EXD3: variants seen among roughly 807,000 people sequenced by gnomAD.
EXD3 encodes exonuclease mut-7 homolog.
In EXD3, 92 loss-of-function variants were observed where a neutral mutation model predicts 98.0. The ratio of observed to expected loss-of-function variants is 0.94; its 90% CI spans 0.79 to 1.12. EXD3 has a LOEUF of 1.12. EXD3 is among the 50% of genes most tolerant of loss of function. The pLI, the probability that EXD3 is intolerant of heterozygous loss-of-function variation, is 0.00. For missense variants in EXD3, 1,222 were observed against 1,191.6 expected (o/e 1.03, Z -0.38); for synonymous variants, 569 against 526.0 (o/e 1.08, Z -1.12).
intron 1 of EXD3, among the ~76,000 whole-genome samples, chr9:137,400,158 A>G (rs945649441): frequency 6.6e-6 from 1 of 152,144 alleles, no homozygotes; most frequent in African/African-American, 2.4e-5. Context: ...CCATGATGTA[A>G]TTACTCCCCC....
At chr9:137,336,703 GAAAT>G (rs1208177811) in intron 17 of EXD3, among the ~76,000 whole-genome samples, 1 of 128,228 alleles carries the variant, frequency 7.8e-6, no homozygotes, top group Non-Finnish European at 1.7e-5. Context: ...ACAAAGAAAA[GAAAT>G]AAATCCATGG....
At chr9:137,348,407 G>T (rs1244481439) in intron 16 of EXD3, among the ~76,000 whole-genome samples, 169 bp from the exon 17 acceptor site, 1 of 150,400 alleles carries the variant, frequency 6.6e-6, no homozygotes, top group South Asian at 2.1e-4. Flanking sequence ...ACAAAATGCA[G>T]TGAAACCACC....
chr9:137,315,138 G>A (rs1443892165), intron 19 of EXD3, among the ~76,000 whole-genome samples: 1 of 152,212 alleles, frequency 6.6e-6, no homozygotes, highest in Non-Finnish European at 1.5e-5. Context: ...CAGGGTGGGG[G>A]CTAGCGCCTG....
intron 8 of EXD3, 28 bp from the exon 9 acceptor site, chr9:137,354,801 A>T (rs11537108): frequency 1.6e-5 from 25 of 1,597,406 alleles, no homozygotes; most frequent in Non-Finnish European, 1.5e-5. Flanking sequence ...CTCAGCACTG[A>T]GGGCTCAGGG....
intron 19 of EXD3, among the ~76,000 whole-genome samples, chr9:137,314,585 T>G (rs1831538084): frequency 6.6e-6 from 1 of 152,062 alleles, no homozygotes; most frequent in South Asian, 2.1e-4. Context: ...TGGAGAGGCC[T>G]CGCCCCTGCC....
intron 1 of EXD3, among the ~76,000 whole-genome samples, chr9:137,409,221 G>A (rs1449633875): frequency 6.6e-6 from 1 of 152,186 alleles, no homozygotes; most frequent in African/African-American, 2.4e-5. Context: ...GAGCCCGCAT[G>A]CTGGGCCCTC....
intron 19 of EXD3, among the ~76,000 whole-genome samples, chr9:137,319,332 G>C (rs1006437998): frequency 1.3e-5 from 2 of 152,228 alleles, no homozygotes; most frequent in African/African-American, 4.8e-5. Context: ...GCGTGGTCCC[G>C]GGGCCCGGCC....
intron 1 of EXD3, among the ~76,000 whole-genome samples, chr9:137,409,295 T>C (rs1837882363): frequency 6.6e-6 from 1 of 152,328 alleles, no homozygotes; most frequent in South Asian, 2.1e-4. Context: ...TACCTCCTCA[T>C]TCAGAATCCC....
intron 3 of EXD3, among the ~76,000 whole-genome samples, chr9:137,379,514 G>A (rs1463811020): frequency 4.0e-5 from 6 of 150,946 alleles, no homozygotes; most frequent in Admixed American, 1.3e-4. Context: ...GCCTGGGGCC[G>A]AGGGGAATGG....
chr9:137,323,772 G>A lies in EXD3; in HGVS notation c.2137C>T (p.His713Tyr), dbSNP rs1179043199. 2.5e-6 allele frequency: 4 copies of A among 1,612,288 alleles called. No homozygotes were observed. Among genetic ancestry groups the A allele is most frequent in the Non-Finnish European group, 3.4e-6 (4 of 1,179,758 alleles). ...AQQQAKAVLK[H>Y]FNVRVTHADI... is the part of the protein sequence containing the mutation. ...GCGTGGGTGACACGCACGTTGAAAT[G>A]CTTGAGCACAGCCTTGGCCTGCTGC... is the stretch of plus-strand genomic sequence containing the variant. The change falls in exon 19 of 22, where the codon CAT becomes TAT. Residue 713 changes from histidine (H) to tyrosine (Y), a missense_variant. Transcript: ENST00000340951.
At chr9:137,384,623 T>G (rs539656830) in intron 2 of EXD3, among the ~76,000 whole-genome samples, 4 of 152,296 alleles carry the variant, frequency 2.6e-5, no homozygotes, top group Admixed American at 2.6e-4. Flanking sequence ...ACAATGTGAT[T>G]GATTACACAG....
At chr9:137,380,363 AT>A (rs1836177165) in intron 3 of EXD3, among the ~76,000 whole-genome samples, 1 of 39,950 alleles carries the variant, frequency 2.5e-5, no homozygotes, top group African/African-American at 1.2e-4. Context: ...CCGTCCGGGC[AT>A]CCCCCTCAAT....
rs892527175 is a variant in EXD3 at position 137,356,134 on chromosome 9, G to T, written c.757+134C>A. On this transcript the variant is annotated intron_variant, in intron 8 of 21. Transcript: ENST00000340951. ...TCTGGCACGAGCTGGGCAAGAGGCAGGGAGGGGCTCTCTGGGAAGGTTGGT... is the reference window on the plus strand; with the variant it reads ...TCTGGCACGAGCTGGGCAAGAGGCATGGAGGGGCTCTCTGGGAAGGTTGGT... 7 of 673,034 alleles carry T rather than the reference G, an allele frequency of 1.0e-5. No individual in the cohort carries two copies. In the South Asian group the frequency reaches 1.1e-4, roughly 10 times the overall value. 41.7% of individuals were successfully genotyped at this position (673,034 alleles called of 1,614,324 possible).
chr9:137,393,926 G>T lies in EXD3; in HGVS notation c.55+1377C>A, dbSNP rs1837073520. Reference sequence around the variant, plus strand: ...CTGCTGTTTACAAGGACTGCAGGGTGAAGGATGTGAAGGGGCCCCGGCACC... The same window carrying T: ...CTGCTGTTTACAAGGACTGCAGGGTTAAGGATGTGAAGGGGCCCCGGCACC... On this transcript the variant is annotated intron_variant, in intron 2 of 21. Transcript: ENST00000340951. This position sits in a 1 kb window ranked among gnomAD's most constrained non-coding sequence, Gnocchi z 4.6. Among the ~76,000 whole-genome samples, 1 of 152,176 alleles carries T rather than the reference G, an allele frequency of 6.6e-6. No homozygotes were observed. The highest frequency in any genetic ancestry group is 2.4e-5 in the African/African-American group (1 of 41,426).
At chr9:137,402,386 C>A (rs1308774191) in intron 1 of EXD3, among the ~76,000 whole-genome samples, 1 of 152,072 alleles carries the variant, frequency 6.6e-6, no homozygotes, top group Non-Finnish European at 1.5e-5. Flanking sequence ...CCACCAGATA[C>A]CCTAAATCAT....
intron 2 of EXD3, among the ~76,000 whole-genome samples, chr9:137,384,400 C>G (rs1836480366): frequency 6.6e-6 from 1 of 152,260 alleles, no homozygotes; most frequent in Admixed American, 6.5e-5. Flanking sequence ...TCGGTAGACA[C>G]AGAGCAAGTG....
At chr9:137,409,821 G>A (rs550190007) in intron 1 of EXD3, among the ~76,000 whole-genome samples, 1 of 152,330 alleles carries the variant, frequency 6.6e-6, no homozygotes, top group South Asian at 2.1e-4. Flanking sequence ...CAGGACAAGC[G>A]GGGCTCCCCA....
chr9:137,348,096 C>A lies in EXD3; in HGVS notation c.1973G>T (p.Gly658Val). 6.2e-7 allele frequency: 1 copy of A among 1,611,880 alleles called. No individual in the cohort carries two copies. Residue 658 changes from glycine to valine, a missense_variant, in exon 17 of 22, where the codon GGT (glycine) becomes GTT (valine). Physicochemically the swap from Gly to Val is moderately radical, Grantham distance 109. Coordinates refer to ENST00000340951, the MANE Select transcript of EXD3 (RefSeq NM_017820.5). ...LGVDARMLGN[G>V]EDHRRAAEVA... ...CTCGGCCGCCCTGCGGTGGTCTTCA[C>A]CATTGCCCAGCATGCGTGCATCCAC...
intron 1 of EXD3, among the ~76,000 whole-genome samples, chr9:137,421,422 A>G (rs1838505681): frequency 6.6e-6 from 1 of 152,246 alleles, no homozygotes; most frequent in African/African-American, 2.4e-5. Flanking sequence ...GGAAGTAGAG[A>G]AAAATTATGT....
Sources: allele counts gnomAD v4.1 joint callset (sites outside exome capture counted in the v4.1 genomes callset), GRCh38; gene constraint gnomAD v4.1.1; non-coding constraint Gnocchi (gnomAD v3.1); transcripts MANE v1.5; gene names NCBI Gene and HGNC (gene_info 2026-07-23, HGNC 2026-07-21).